The following SPATS2 variants were observed in gnomAD, a reference collection of about 807,000 sequenced individuals.
SPATS2 encodes spermatogenesis associated serine rich 2, also known as spermatogenesis-associated serine-rich protein 2.
A neutral mutation model predicts 63.7 loss-of-function variants in SPATS2; 38 were observed. That is an observed-to-expected ratio of 0.60 (90% CI 0.46 to 0.78). SPATS2 has a LOEUF of 0.78. Ranked by LOEUF, SPATS2 falls within the 30% of genes least tolerant of loss-of-function variation. The probability of loss-of-function intolerance (pLI) is 0.00; values close to 1 mark genes in which losing one functional copy is unlikely to be tolerated. For synonymous variants in SPATS2, 207 were observed against 232.9 expected (o/e 0.89, Z 1.01); for missense variants, 588 against 666.2 (o/e 0.88, Z 1.29).
chr12:49,470,928 C>T (rs1946024039), intron 3 of SPATS2, among the ~76,000 whole-genome samples: 2 of 152,208 alleles, frequency 1.3e-5, no homozygotes, highest in African/African-American at 4.8e-5. Flanking sequence ...AATTGTGTGA[C>T]ATCCTCTTTT....
At chr12:49,436,526 C>A in intron 2 of SPATS2, among the ~76,000 whole-genome samples, 1 of 125,844 alleles carries the variant, frequency 7.9e-6, no homozygotes, top group East Asian at 2.2e-4. Flanking sequence ...GGGCGGGGGG[C>A]TGACCCCCCC....
chr12:49,520,718 A>G (rs1565763233), intron 11 of SPATS2, among the ~76,000 whole-genome samples: 1 of 150,292 alleles, frequency 6.7e-6, no homozygotes, highest in African/African-American at 2.4e-5. Context: ...CAACATTTAT[A>G]CCTTTTTAAT....
chr12:49,461,683 GTTCAAAGTTAATGTTCTTTAA>G (rs1408223636), intron 3 of SPATS2, among the ~76,000 whole-genome samples: 1 of 152,246 alleles, frequency 6.6e-6, no homozygotes, highest in East Asian at 1.9e-4. Flanking sequence ...TTAATTTCCA[GTTCAAAGTTAATGTTCTTTAA>G]TTCAAAGCAA....
intron 2 of SPATS2, among the ~76,000 whole-genome samples, chr12:49,459,680 TCTTC>T (rs1202638114): frequency 2.0e-5 from 3 of 150,696 alleles, no homozygotes; most frequent in African/African-American, 7.3e-5. Context: ...CGTTTGCTGT[TCTTC>T]GTGCCTCTAA....
At chr12:49,467,170 C>A (rs1945935759) in intron 3 of SPATS2, among the ~76,000 whole-genome samples, 1 of 149,992 alleles carries the variant, frequency 6.7e-6, no homozygotes, top group Non-Finnish European at 1.5e-5. Flanking sequence ...CTGCCTCAAC[C>A]TCCCGATAGC....
rs1228336900 is a variant in SPATS2 at position 49,513,808 on chromosome 12, AAATT to A, written c.840-741_840-738del. ...CCCTAGTGGGGATATTGCTTGGTAA[AAATT>A]AATTAGATGCAAGGCCATCAAATTT... On this transcript the variant is annotated intron_variant, in intron 9 of 13. Coordinates refer to ENST00000552918, the MANE Select transcript of SPATS2 (RefSeq NM_023071.4). Among the ~76,000 whole-genome samples, 27 of 152,294 alleles carry A rather than the reference AAATT, an allele frequency of 1.8e-4. No homozygotes were observed. In the East Asian group the frequency reaches 5.0e-3, roughly 28 times the overall value.
chr12:49,456,271 A>G (rs911548942), intron 2 of SPATS2, among the ~76,000 whole-genome samples: 1 of 152,236 alleles, frequency 6.6e-6, no homozygotes, highest in Admixed American at 6.5e-5. Flanking sequence ...CAGAGAAGAT[A>G]ACATTTGAAA....
intron 2 of SPATS2, among the ~76,000 whole-genome samples, chr12:49,405,180 C>G (rs1391281937): frequency 6.6e-6 from 1 of 151,986 alleles, no homozygotes; most frequent in East Asian, 1.9e-4. Context: ...AATTAGCTAC[C>G]ATTCATTTTC....
rs372813181 is a variant in SPATS2, at chr12:49,420,237, A to G, written c.-243-40533A>G. On this transcript the variant is annotated intron_variant, in intron 2 of 13. Coordinates refer to ENST00000552918, the MANE Select transcript of SPATS2 (RefSeq NM_023071.4). ...AATTTTTTTATTTTCCAGGTTATCT[A>G]CCACATGTTATATTTATTGTTAAGG... Among the ~76,000 whole-genome samples, 295 of 152,332 alleles carry G rather than the reference A, an allele frequency of 1.9e-3. 1 individual carries two copies. Among genetic ancestry groups the G allele is most frequent in the African/African-American group, 6.7e-3 (280 of 41,576 alleles).
At chr12:49,508,016 A>G (rs558189402) in intron 9 of SPATS2, among the ~76,000 whole-genome samples, 2 of 152,340 alleles carry the variant, frequency 1.3e-5, no homozygotes, top group African/African-American at 2.4e-5. Context: ...TTGTGGTATT[A>G]CGTTCATGTT....
intron 2 of SPATS2, among the ~76,000 whole-genome samples, chr12:49,371,822 A>G (rs2137134631): frequency 6.6e-6 from 1 of 152,062 alleles, no homozygotes; most frequent in South Asian, 2.1e-4. Flanking sequence ...ACTGGTACTA[A>G]CCCATTCATG....
intron 2 of SPATS2, among the ~76,000 whole-genome samples, chr12:49,372,678 A>ATGCTGCT (rs1289160837): frequency 6.6e-6 from 1 of 152,042 alleles, no homozygotes; most frequent in African/African-American, 2.4e-5. Flanking sequence ...CATGTATGAG[A>ATGCTGCT]TGCTGCTTAC....
At position 49,526,213 on chromosome 12, in the gene SPATS2, G is replaced by C. The variant is rs1185954615; in HGVS notation, c.1596G>C (p.Gln532His). ...PTPSFKKGLP[Q>H]RKPRTSQTEA... ...CTTCATTCAAAAAGGGGCTCCCCCA[G>C]CGCAAACCCAGGACCTCTCAGACTG... is the stretch of plus-strand genomic sequence containing the variant. The change falls in exon 14 of 14, where the codon CAG becomes CAC. Residue 532 changes from glutamine to histidine, a missense_variant. Coordinates refer to ENST00000552918, the MANE Select transcript of SPATS2 (RefSeq NM_023071.4). The C allele has an allele frequency of 4.3e-6, 7 of 1,614,134 alleles. No homozygotes were observed. In the Admixed American group the frequency reaches 1.0e-4, roughly 23 times the overall value.
intron 2 of SPATS2, among the ~76,000 whole-genome samples, chr12:49,384,045 T>C (rs1944268444): frequency 6.6e-6 from 1 of 152,256 alleles, no homozygotes; most frequent in Non-Finnish European, 1.5e-5. Flanking sequence ...ACATCTTTCA[T>C]AACCATAGGG....
intron 2 of SPATS2, among the ~76,000 whole-genome samples, chr12:49,448,273 G>C (rs1177175483): frequency 1.5e-4 from 23 of 151,236 alleles, no homozygotes; most frequent in African/African-American, 4.6e-4. Flanking sequence ...GAGTAGCTGG[G>C]ACTACAGGCA....
intron 2 of SPATS2, among the ~76,000 whole-genome samples, chr12:49,377,755 A>G (rs1383316391): frequency 6.6e-6 from 1 of 152,150 alleles, no homozygotes; most frequent in African/African-American, 2.4e-5. Context: ...AATATTTCCA[A>G]TATTTTTCTT....
chr12:49,446,531 C>G (rs900909995), intron 2 of SPATS2, among the ~76,000 whole-genome samples: 5 of 152,184 alleles, frequency 3.3e-5, no homozygotes, highest in African/African-American at 4.8e-5. Context: ...GGCTGTTGGC[C>G]TGGGATTCTT....
intron 3 of SPATS2, among the ~76,000 whole-genome samples, chr12:49,470,477 TA>T (rs1194908039): frequency 2.0e-5 from 3 of 152,236 alleles, no homozygotes; most frequent in African/African-American, 7.2e-5. Flanking sequence ...TTATTTTCTC[TA>T]AAAGTTAAAT....
At chr12:49,439,409 G>A (rs188094877) in intron 2 of SPATS2, among the ~76,000 whole-genome samples, 9 of 152,272 alleles carry the variant, frequency 5.9e-5, no homozygotes, top group Admixed American at 3.3e-4. Context: ...ACATTAACAA[G>A]AGAAGCAGGG....
Sources: allele counts gnomAD v4.1 joint callset (sites outside exome capture counted in the v4.1 genomes callset), GRCh38; gene constraint gnomAD v4.1.1; transcripts MANE v1.5; gene names NCBI Gene and HGNC (gene_info 2026-07-23, HGNC 2026-07-21).